The following TOGARAM2 variants were observed in gnomAD, a reference collection of about 807,000 sequenced individuals.
TOGARAM2 encodes TOG array regulator of axonemal microtubules 2.
A neutral mutation model predicts 93.3 loss-of-function variants in TOGARAM2; 85 were observed. The observed-to-expected ratio is 0.91, with a 90% CI of 0.76 to 1.09. The LOEUF is 1.09. TOGARAM2 is among the 50% of genes least tolerant of loss of function. The pLI is 0.00. For missense variants in TOGARAM2, 1,277 were observed against 1,334.5 expected (o/e 0.96, Z 0.67); for synonymous variants, 593 against 552.8 (o/e 1.07, Z -1.02).
At chr2:29,023,262 TGTGGAGGGGCTGTGGCTTCAGGGACATGG>T in intron 12 of TOGARAM2, 71 bp downstream of exon 12, 1 of 1,293,280 alleles carries the variant, frequency 7.7e-7, no homozygotes, top group Non-Finnish European at 1.1e-6. Flanking sequence ...CGCTAGCAGC[TGTGGAGGGGCTGTGGCTTCAGGGACATGG>T]GGATCCCTGC....
chr2:29,027,209 C>A (rs11896479), intron 14 of TOGARAM2, among the ~76,000 whole-genome samples, 198 bp downstream of exon 14: 2 of 152,030 alleles, frequency 1.3e-5, no homozygotes, highest in Admixed American at 1.3e-4. Context: ...TCCTTACTCC[C>A]TGCCTCCACT....
chr2:29,033,634 C>A, intron 16 of TOGARAM2, 71 bp downstream of exon 16: 1 of 1,459,638 alleles, frequency 6.9e-7, no homozygotes, highest in Non-Finnish European at 9.4e-7. Context: ...TTGTCCATGG[C>A]CAGGGGTGGC....
At chr2:28,998,741 C>A (rs563194388) in intron 3 of TOGARAM2, among the ~76,000 whole-genome samples, 1 of 152,172 alleles carries the variant, frequency 6.6e-6, no homozygotes, top group Non-Finnish European at 1.5e-5. Flanking sequence ...TTTTGTTTCT[C>A]TCCCATCTGG....
chr2:28,976,468 C>T (rs1272137909), upstream of TOGARAM2, among the ~76,000 whole-genome samples: 1 of 152,250 alleles, frequency 6.6e-6, no homozygotes, highest in Non-Finnish European at 1.5e-5. Context: ...TCCCCTCCCC[C>T]TGCCCTCCAT....
rs1247017280 is a variant in TOGARAM2 at position 29,027,005 on chromosome 2, A to G, written c.2006A>G (p.Asp669Gly). 4 of 1,560,070 alleles carry G rather than the reference A, an allele frequency of 2.6e-6. No individual in the cohort carries two copies. The highest frequency in any genetic ancestry group is 3.5e-6 in the Non-Finnish European group (4 of 1,151,886). ...LVRLAQDSNQDTRFYGRKMVN... is the reference protein window; with the variant it reads ...LVRLAQDSNQGTRFYGRKMVN... ...AGGCTGGCACAGGACTCCAACCAGG[A>G]CACCAGGTAGGGCAGGGCCAGGGGC... The change falls in exon 14 of 20, where the codon GAC (aspartate) becomes GGC (glycine). Residue 669 changes from aspartate (D) to glycine (G), a missense_variant. Physicochemically the swap from Asp to Gly is moderately conservative, Grantham distance 94 (BLOSUM62 -1). Coordinates refer to ENST00000379558, the MANE Select transcript of TOGARAM2 (RefSeq NM_199280.4).
rs1160013984 is a variant in TOGARAM2 at position 28,994,747 on chromosome 2, G to C, written c.-88G>C. 7.2e-7 allele frequency: 1 copy of C among 1,385,462 alleles called. No individual in the cohort carries two copies. Among genetic ancestry groups the C allele is most frequent in the East Asian group, 2.5e-5 (1 of 39,714 alleles). 85.8% of individuals were successfully genotyped at this position (1,385,462 alleles called of 1,614,324 possible). A position where few individuals can be genotyped will look rare whatever the true frequency, so the allele number is the denominator to read the frequency against. ...TAGGTCCCGGATGTTACAGGTCAGA[G>C]CCCTCCAGACCCCCAAGGACTGTAC... On this transcript the variant is annotated 5_prime_UTR_variant, in exon 2 of 20. Transcript: ENST00000379558.
chr2:29,006,136 A>C (rs1282705705), intron 6 of TOGARAM2, among the ~76,000 whole-genome samples: 1 of 96,994 alleles, frequency 1.0e-5, no homozygotes, highest in Non-Finnish European at 2.2e-5. Context: ...CATGTGTGTG[A>C]GAGCATGCAT....
At chr2:29,020,838 A>T (rs1352332490) in intron 10 of TOGARAM2, among the ~76,000 whole-genome samples, 1 of 152,118 alleles carries the variant, frequency 6.6e-6, no homozygotes, top group Admixed American at 6.5e-5. Flanking sequence ...TGATTAAGAG[A>T]CTGTTCCACC....
chr2:29,040,868 A>T (rs1666392281), intron 18 of TOGARAM2, among the ~76,000 whole-genome samples: 1 of 151,914 alleles, frequency 6.6e-6, no homozygotes. Context: ...GTTGGCTTTG[A>T]GTCTCTTTTT....
At chr2:29,022,969 C>T in intron 11 of TOGARAM2, 117 bp from the exon 12 acceptor site, 3 of 818,764 alleles carry the variant, frequency 3.7e-6, no homozygotes, top group Non-Finnish European at 5.9e-6. Flanking sequence ...TGGAATGGCA[C>T]CCTGCTGCGG....
At chr2:28,997,172 A>G (rs966295779) in intron 2 of TOGARAM2, among the ~76,000 whole-genome samples, 1 of 152,240 alleles carries the variant, frequency 6.6e-6, no homozygotes, top group Non-Finnish European at 1.5e-5. Context: ...AGAGTGAAGA[A>G]TAGGAGAAAA....
chr2:29,043,131 A>G (rs994364563), intron 18 of TOGARAM2, among the ~76,000 whole-genome samples: 7 of 152,214 alleles, frequency 4.6e-5, no homozygotes, highest in Admixed American at 2.0e-4. Flanking sequence ...ATTCATATGA[A>G]AATCTATTCT....
intron 17 of TOGARAM2, among the ~76,000 whole-genome samples, chr2:29,036,080 G>A (rs1666089516): frequency 6.6e-6 from 1 of 152,120 alleles, no homozygotes; most frequent in African/African-American, 2.4e-5. Flanking sequence ...GCTTCTTGGT[G>A]GACTGAGGCT....
chr2:29,032,992 C>T lies in TOGARAM2; in HGVS notation c.2071C>T (p.Leu691=), dbSNP rs1039971284. The change falls in exon 15 of 20, where the codon CTG becomes TTG. Residue 691 remains leucine (L), a synonymous_variant. Coordinates refer to ENST00000379558, the MANE Select transcript of TOGARAM2 (RefSeq NM_199280.4). The part of the protein sequence containing the change: ...LMANTKFDAF[L]KQSLPSYDLQ... Reference sequence around the variant, plus strand: ...GGCGAACACTAAGTTTGATGCATTTCTGAAGCAATCTCTCCCATCTTACGA... The same window carrying T: ...GGCGAACACTAAGTTTGATGCATTTTTGAAGCAATCTCTCCCATCTTACGA... 1 of 1,613,916 alleles carries T rather than the reference C, an allele frequency of 6.2e-7. No homozygotes were observed. The highest frequency in any genetic ancestry group is 1.7e-5 in the Admixed American group (1 of 60,018).
chr2:28,977,261 T>A (rs1394758126), upstream of TOGARAM2, among the ~76,000 whole-genome samples: 1 of 152,212 alleles, frequency 6.6e-6, no homozygotes, highest in Non-Finnish European at 1.5e-5. Context: ...CCATGCCCTA[T>A]GCTAACCATC....
At chr2:29,028,288 C>T (rs1665536112) in intron 14 of TOGARAM2, among the ~76,000 whole-genome samples, 4 of 152,168 alleles carry the variant, frequency 2.6e-5, no homozygotes, top group Non-Finnish European at 5.9e-5. Flanking sequence ...CGTAGGGTAC[C>T]CACGTCTGAG....
chr2:28,981,189 T>G (rs4075266), upstream of TOGARAM2: 50,740 of 152,248 alleles, frequency 0.33, 8,824 homozygotes, highest in East Asian at 0.62. Flanking sequence ...GTGCCTGTGC[T>G]CCGGTGAGCC....
chr2:28,998,210 G>T lies in TOGARAM2; in HGVS notation c.96G>T (p.Val32=). The T allele has an allele frequency of 1.2e-6, 2 of 1,612,266 alleles. No individual in the cohort carries two copies. Among genetic ancestry groups the T allele is most frequent in the Non-Finnish European group, 1.7e-6 (2 of 1,179,282 alleles). ...CTCGGACCAGTGCTGGGCCCCGGGT[G>T]CTCCCGCCTGGAAGCATCAACTCCA... ...SIPRTSAGPR[V]LPPGSINSSL... is the part of the protein sequence containing the mutation. The change falls in exon 3 of 20, where the codon GTG becomes GTT. Residue 32 remains valine, a synonymous_variant. Transcript: ENST00000379558.
chr2:29,026,022 C>G (rs1287248961), intron 13 of TOGARAM2, among the ~76,000 whole-genome samples: 1 of 152,156 alleles, frequency 6.6e-6, no homozygotes, highest in Non-Finnish European at 1.5e-5. Flanking sequence ...GAACATGCAG[C>G]TCAGCTTCCC....
Sources: gnomAD v4.1 joint callset for allele counts (sites outside exome capture counted in the v4.1 genomes callset) on GRCh38, gnomAD v4.1.1 for gene constraint, MANE v1.5 for transcripts, NCBI Gene and HGNC (gene_info 2026-07-23, HGNC 2026-07-21) for gene names.